The following PACRG variants were observed in gnomAD, a reference collection of about 807,000 sequenced individuals.
PACRG encodes parkin coregulated.
In PACRG, 29 loss-of-function variants were observed where a neutral mutation model predicts 29.7. The observed-to-expected ratio is 0.98, with a 90% CI of 0.73 to 1.33. PACRG has a LOEUF of 1.33. Among genes scored for constraint, PACRG ranks in the 40% most tolerant of loss-of-function variants. The pLI is 0.00. For missense variants in PACRG, 279 were observed against 316.2 expected (o/e 0.88, Z 0.89); for synonymous variants, 116 against 118.7 (o/e 0.98, Z 0.15).
chr6:162,814,310 G>C, intron 2 of PACRG, 29 bp downstream of exon 2: 1 of 1,608,738 alleles, frequency 6.2e-7, no homozygotes, highest in Non-Finnish European at 8.5e-7. Flanking sequence ...GTGCCGGCCA[G>C]CTGCACCCGC....
chr6:162,828,158 C>T (rs76744493), intron 2 of PACRG, among the ~76,000 whole-genome samples: 9,867 of 152,074 alleles, frequency 0.065, 465 homozygotes, highest in East Asian at 0.26. Flanking sequence ...ACTTGCAAAC[C>T]AAGAATGAGG....
chr6:162,958,985 A>G (rs868464566), intron 2 of PACRG, among the ~76,000 whole-genome samples: 1 of 145,902 alleles, frequency 6.9e-6, no homozygotes, highest in African/African-American at 2.6e-5. Flanking sequence ...TGGTGTGATC[A>G]TGGCTCCCTG....
chr6:162,968,855 T>A (rs1801273278), intron 2 of PACRG, among the ~76,000 whole-genome samples: 3 of 151,962 alleles, frequency 2.0e-5, no homozygotes. Context: ...GAGATCAGCC[T>A]GGCCAACATG....
chr6:163,226,966 G>A (rs1781830172), intron 4 of PACRG, among the ~76,000 whole-genome samples: 1 of 152,200 alleles, frequency 6.6e-6, no homozygotes, highest in African/African-American at 2.4e-5. Context: ...TGTGAGATAT[G>A]CCTCCCTCAA....
intron 4 of PACRG, among the ~76,000 whole-genome samples, chr6:163,121,974 C>A (rs1408004): frequency 0.47 from 71,731 of 151,736 alleles, 17,435 homozygotes; most frequent in East Asian, 0.63. Flanking sequence ...TGATCTTTTT[C>A]TCTTTCTCTT....
chr6:162,744,425 C>T (rs1780830507), intron 1 of PACRG, among the ~76,000 whole-genome samples: 1 of 151,980 alleles, frequency 6.6e-6, no homozygotes, highest in Non-Finnish European at 1.5e-5. Context: ...AGCCAGACCC[C>T]CGTCTAAAAC....
intron 2 of PACRG, among the ~76,000 whole-genome samples, chr6:162,923,456 C>G (rs1443086239): frequency 6.6e-6 from 1 of 152,048 alleles, no homozygotes; most frequent in Non-Finnish European, 1.5e-5. Flanking sequence ...AGCATTTTCC[C>G]TATGTTTTCT....
intron 2 of PACRG, among the ~76,000 whole-genome samples, chr6:162,911,809 G>A (rs1796322281): frequency 6.6e-6 from 1 of 152,156 alleles, no homozygotes; most frequent in Non-Finnish European, 1.5e-5. Context: ...AGTGGCAGCT[G>A]AGCTTTGGAC....
intron 4 of PACRG, among the ~76,000 whole-genome samples, chr6:163,252,324 A>G (rs924434582): frequency 2.0e-5 from 3 of 152,236 alleles, no homozygotes; most frequent in Non-Finnish European, 4.4e-5. Context: ...TCATCTCTGG[A>G]CAAGGCAGAC....
chr6:163,176,852 G>A (rs1011848425), intron 4 of PACRG, among the ~76,000 whole-genome samples: 2 of 152,216 alleles, frequency 1.3e-5, no homozygotes, highest in African/African-American at 4.8e-5. Context: ...AGGCTGGAGA[G>A]AGGGAAAGTC....
rs371397991 is a variant in PACRG at position 162,728,193 on chromosome 6, C to G, written c.-43C>G. ...CTCACATCCGTAAAGCCCACTGATT[C>G]TTTTACTACACTTTTTATGAGAACA... On this transcript the variant is annotated 5_prime_UTR_variant, in exon 1 of 5. Transcript: ENST00000366888. The G allele has an allele frequency of 4.1e-5, 66 of 1,598,058 alleles. No homozygotes were observed. The highest frequency in any genetic ancestry group is 8.6e-5 in the Admixed American group (5 of 58,368).
chr6:163,239,777 C>T (rs113618296), intron 4 of PACRG, among the ~76,000 whole-genome samples: 9,780 of 143,470 alleles, frequency 0.068, 744 homozygotes, highest in East Asian at 0.17. Flanking sequence ...CCTCCACCCC[C>T]ACACACACAC....
At chr6:162,771,433 A>G (rs568902829) in intron 1 of PACRG, among the ~76,000 whole-genome samples, 27 of 152,178 alleles carry the variant, frequency 1.8e-4, no homozygotes, top group Non-Finnish European at 3.7e-4. Flanking sequence ...GTTTTTGCCA[A>G]TTTTCCCATG....
In PACRG at chr6:162,947,635, TATATATATATATAC is replaced by T. The variant is rs1284881920; in HGVS notation, c.292-114513_292-114500del. 1.2e-3 allele frequency among the ~76,000 whole-genome samples: 92 copies of T among 77,840 alleles called. 8 individuals carry two copies. The highest frequency in any genetic ancestry group is 3.7e-3 in the African/African-American group (73 of 19,680). 51.1% of individuals were successfully genotyped at this position (77,840 alleles called of 152,430 possible). ...TCATATATATATATATATATATATA[TATATATATATATAC>T]ACCCAAAGATTCCACCAAAAATCTC... On this transcript the variant is annotated intron_variant, in intron 2 of 4. Transcript: ENST00000366888.
chr6:163,197,710 A>C (rs1437922759), intron 4 of PACRG, among the ~76,000 whole-genome samples: 1 of 151,804 alleles, frequency 6.6e-6, no homozygotes, highest in Admixed American at 6.6e-5. Context: ...CGGCCTCCCA[A>C]AGTTTTGGGC....
At chr6:163,294,286 T>A (rs1784714145) in intron 4 of PACRG, among the ~76,000 whole-genome samples, 1 of 152,134 alleles carries the variant, frequency 6.6e-6, no homozygotes, top group African/African-American at 2.4e-5. Context: ...GTAAAACAAA[T>A]TATGTCATCA....
chr6:162,829,556 A>G (rs1454130900), intron 2 of PACRG, among the ~76,000 whole-genome samples: 2 of 152,232 alleles, frequency 1.3e-5, no homozygotes, highest in African/African-American at 2.4e-5. Context: ...TCATAAGTAC[A>G]GTCATGAGCT....
chr6:163,091,853 T>G (rs898247181), intron 4 of PACRG, among the ~76,000 whole-genome samples: 1 of 152,238 alleles, frequency 6.6e-6, no homozygotes, highest in Non-Finnish European at 1.5e-5. Flanking sequence ...TTATATATAC[T>G]TATTTTATTT....
At chr6:163,052,136 A>G (rs1303878056) in intron 2 of PACRG, 2 of 152,096 alleles carry the variant, frequency 1.3e-5, no homozygotes, top group African/African-American at 2.4e-5. Flanking sequence ...TATTATATAT[A>G]TTTTCTGTAG....
Sources: gnomAD v4.1 joint callset for allele counts (sites outside exome capture counted in the v4.1 genomes callset) on GRCh38, gnomAD v4.1.1 for gene constraint, MANE v1.5 for transcripts, NCBI Gene and HGNC (gene_info 2026-07-23, HGNC 2026-07-21) for gene names.